LRRTM3: variants seen among roughly 807,000 people sequenced by gnomAD.
LRRTM3 encodes the protein leucine-rich repeat transmembrane neuronal protein 3.
A neutral mutation model predicts 44.7 loss-of-function variants in LRRTM3; 24 were observed. The observed-to-expected ratio is 0.54, with a 90% CI of 0.39 to 0.76. The LOEUF is 0.76. Among genes scored for constraint, LRRTM3 ranks in the 30% least tolerant of loss-of-function variants. The pLI, the probability that LRRTM3 is intolerant of heterozygous loss-of-function variation, is 0.00. For missense variants in LRRTM3, 587 were observed against 702.2 expected, an observed-to-expected ratio of 0.84 and a Z score of 1.85; for synonymous variants, 277 against 278.7, an observed-to-expected ratio of 0.99 and a Z score of 0.06.
Position 66,927,820 on chromosome 10 carries a change from A to G in LRRTM3, c.904A>G (p.Ile302Val). ...FIGQEILDSW[I>V]SLNDISLAGN... ...TGGTCAAGAGATTTTGGATTCTTGG[A>G]TATCCCTCAATGACATCAGTCTTGC... Residue 302 changes from isoleucine to valine, a missense_variant, in exon 2 of 3, where the codon ATA becomes GTA. Transcript: ENST00000361320. This position sits in a 1 kb window ranked among gnomAD's most constrained non-coding sequence, Gnocchi z 4.7. The G allele has an allele frequency of 6.2e-7, 1 of 1,614,222 alleles. No homozygotes were observed. The highest frequency in any genetic ancestry group is 8.5e-7 in the Non-Finnish European group (1 of 1,180,042).
intron 2 of LRRTM3, among the ~76,000 whole-genome samples, chr10:67,086,878 C>A (rs1857342085): frequency 6.6e-6 from 1 of 151,730 alleles, no homozygotes; most frequent in African/African-American, 2.4e-5. Flanking sequence ...AAACCTAGAC[C>A]AAAAACATTA....
intron 2 of LRRTM3, among the ~76,000 whole-genome samples, chr10:67,031,567 T>A (rs942447629): frequency 2.0e-5 from 3 of 152,192 alleles, no homozygotes; most frequent in African/African-American, 7.2e-5. Flanking sequence ...CTTAGGACCT[T>A]TAAGAGGACA....
At chr10:67,009,144 C>T (rs894461661) in intron 2 of LRRTM3, among the ~76,000 whole-genome samples, 8 of 151,932 alleles carry the variant, frequency 5.3e-5, no homozygotes, top group African/African-American at 1.2e-4. Context: ...TTAACCTTAC[C>T]GTGATACAGA....
At position 67,097,606 on chromosome 10, in the gene LRRTM3, T is replaced by C. The variant is rs1304476461; in HGVS notation, c.1556T>C (p.Val519Ala). The change falls in exon 3 of 3, where the codon GTG becomes GCG. Residue 519 changes from valine to alanine, a missense_variant. Transcript: ENST00000361320. Reference protein sequence around the residue: ...RECEIPLSMNVSTFLAYDQPT... With the variant: ...RECEIPLSMNASTFLAYDQPT... Reference sequence around the variant, plus strand: ...CCCCAGATACCTTTATCAATGAATGTGTCAACCTTTCTGGCATACGACCAG... The same window carrying C: ...CCCCAGATACCTTTATCAATGAATGCGTCAACCTTTCTGGCATACGACCAG... 6.2e-7 allele frequency: 1 copy of C among 1,612,386 alleles called. No individual in the cohort carries two copies. The highest frequency in any genetic ancestry group is 1.1e-5 in the South Asian group (1 of 91,058).
At chr10:67,052,968 A>G (rs1027696395) in intron 2 of LRRTM3, among the ~76,000 whole-genome samples, 6 of 152,236 alleles carry the variant, frequency 3.9e-5, no homozygotes, top group Non-Finnish European at 7.3e-5. Context: ...AAGTATGTTC[A>G]TTGTACTTAC....
At chr10:67,079,239 T>G (rs1272022452) in intron 2 of LRRTM3, among the ~76,000 whole-genome samples, 1 of 152,196 alleles carries the variant, frequency 6.6e-6, no homozygotes, top group African/African-American at 2.4e-5. Flanking sequence ...AGAAACTCTG[T>G]GTTATAGAAC....
At chr10:67,082,642 G>A (rs766742123) in intron 2 of LRRTM3, among the ~76,000 whole-genome samples, 2 of 152,076 alleles carry the variant, frequency 1.3e-5, no homozygotes, top group Non-Finnish European at 2.9e-5. Context: ...AAAGGAAACC[G>A]TGCAGGAATT....
At chr10:67,056,623 G>C (rs1157619346) in intron 2 of LRRTM3, among the ~76,000 whole-genome samples, 2 of 151,926 alleles carry the variant, frequency 1.3e-5, no homozygotes, top group African/African-American at 2.4e-5. Context: ...TAACAATAAG[G>C]GCATTCCAAA....
intron 2 of LRRTM3, among the ~76,000 whole-genome samples, chr10:67,060,421 C>A (rs1855695465): frequency 6.6e-6 from 1 of 152,198 alleles, no homozygotes; most frequent in African/African-American, 2.4e-5. Flanking sequence ...GAAGCACTTT[C>A]ATGAAATTTT....
chr10:67,095,469 C>A (rs1409273868), intron 2 of LRRTM3, among the ~76,000 whole-genome samples: 1 of 151,668 alleles, frequency 6.6e-6, no homozygotes, highest in African/African-American at 2.4e-5. Flanking sequence ...ATCATCAGAG[C>A]TAACTATTTA....
Position 66,978,552 on chromosome 10 carries a change from A to AATATATATATATATAT in LRRTM3, c.1536+50104_1536+50119dup, listed in dbSNP as rs1554890349. 3.8e-3 allele frequency among the ~76,000 whole-genome samples: 145 copies of AATATATATATATATAT among 37,860 alleles called. 1 individual carries two copies. The highest frequency in any genetic ancestry group is 8.7e-3 in the Admixed American group (18 of 2,058). 24.8% of individuals were successfully genotyped at this position (37,860 alleles called of 152,430 possible). ...AAAAAAAAAAAAAAAAAAAAAAAAA[A>AATATATATATATATAT]ATATATATATATATATATAGTATGG... On this transcript the variant is annotated intron_variant, in intron 2 of 2. Coordinates refer to ENST00000361320, the MANE Select transcript of LRRTM3 (RefSeq NM_178011.5).
chr10:66,954,882 C>T (rs1848709313), intron 2 of LRRTM3, among the ~76,000 whole-genome samples: 3 of 152,046 alleles, frequency 2.0e-5, no homozygotes, highest in Non-Finnish European at 4.4e-5. Context: ...TGGATTCTGG[C>T]CTAAACACTG....
At chr10:66,988,413 T>C (rs1266686029) in intron 2 of LRRTM3, among the ~76,000 whole-genome samples, 3 of 152,194 alleles carry the variant, frequency 2.0e-5, no homozygotes, top group Admixed American at 6.5e-5. Flanking sequence ...ATTACACAAA[T>C]ACTCATCTAA....
At chr10:66,983,783 C>T (rs1183830273) in intron 2 of LRRTM3, among the ~76,000 whole-genome samples, 5 of 152,142 alleles carry the variant, frequency 3.3e-5, no homozygotes, top group East Asian at 3.8e-4. Context: ...ATACATTCTG[C>T]TAAAATTTTG....
At chr10:66,979,489 G>A (rs1850287380) in intron 2 of LRRTM3, among the ~76,000 whole-genome samples, 1 of 152,122 alleles carries the variant, frequency 6.6e-6, no homozygotes, top group Non-Finnish European at 1.5e-5. Flanking sequence ...TATCACAGAA[G>A]CTGGAAAATT....
At chr10:66,933,904 T>C (rs1049604096) in intron 2 of LRRTM3, among the ~76,000 whole-genome samples, 5 of 152,158 alleles carry the variant, frequency 3.3e-5, no homozygotes, top group Admixed American at 2.0e-4. Context: ...CTGTTCCTCT[T>C]TGACAGCTGA....
At chr10:66,979,706 T>C (rs75901392) in intron 2 of LRRTM3, among the ~76,000 whole-genome samples, 1 of 152,318 alleles carries the variant, frequency 6.6e-6, no homozygotes, top group East Asian at 1.9e-4. Flanking sequence ...AGTACTGTTG[T>C]GCACACATTG....
At chr10:67,004,068 T>C (rs2133000166) in intron 2 of LRRTM3, among the ~76,000 whole-genome samples, 1 of 151,868 alleles carries the variant, frequency 6.6e-6, no homozygotes, top group East Asian at 1.9e-4. Flanking sequence ...CTAACATAAA[T>C]AACTTACCTG....
intron 2 of LRRTM3, among the ~76,000 whole-genome samples, chr10:67,081,667 C>T (rs1246589949): frequency 6.6e-6 from 1 of 152,158 alleles, no homozygotes; most frequent in Non-Finnish European, 1.5e-5. Context: ...ACATTCTTTG[C>T]TCCTGCCATT....
Sources: gnomAD v4.1 joint callset for allele counts (sites outside exome capture counted in the v4.1 genomes callset) on GRCh38, gnomAD v4.1.1 for gene constraint, Gnocchi (gnomAD v3.1) non-coding constraint, MANE v1.5 for transcripts, NCBI Gene and HGNC (gene_info 2026-07-23, HGNC 2026-07-21) for gene names.